Variants in FOXO3B observed in about 807,000 individuals in gnomAD.
The protein encoded by FOXO3B is forkhead box O3B.
In FOXO3B, 15 loss-of-function variants were observed where a neutral mutation model predicts 21.9. That is an observed-to-expected ratio of 0.68 (90% CI 0.46 to 1.05). The LOEUF is 1.05. Ranked by LOEUF, FOXO3B falls within the 50% of genes least tolerant of loss-of-function variation. FOXO3B has a pLI of 0.00. For synonymous variants in FOXO3B, 135 were observed against 213.6 expected (o/e 0.63, Z 3.21); for missense variants, 293 against 435.5 (o/e 0.67, Z 2.91).
chr17:18,667,715 T>C lies in FOXO3B; in HGVS notation c.*4594A>G, dbSNP rs1228052063. The C allele has an allele frequency of 1.3e-5, 2 of 151,648 alleles. No homozygotes were observed. Among genetic ancestry groups the C allele is most frequent in the African/African-American group, 2.5e-5 (1 of 40,578 alleles). 9.4% of individuals were successfully genotyped at this position (151,648 alleles called of 1,614,324 possible). On this transcript the variant is annotated 3_prime_UTR_variant, in exon 4 of 4. Transcript: ENST00000395675. ...AGTGAAGGCTTGTGATAAAGCTCTT[T>C]CCTAGCTTTGGTAACAGGTATCAGG... is the stretch of plus-strand genomic sequence containing the variant.
Sources: gnomAD v4.1 joint callset for allele counts on GRCh38, gnomAD v4.1.1 for gene constraint, MANE v1.5 for transcripts, NCBI Gene and HGNC (gene_info 2026-07-23, HGNC 2026-07-21) for gene names.